The following PTPRD variants were observed in gnomAD, a reference collection of about 807,000 sequenced individuals.
The protein encoded by PTPRD is protein tyrosine phosphatase receptor type D.
Under a neutral mutation model 214.5 loss-of-function variants are expected in PTPRD, and 34 were observed. The observed-to-expected ratio is 0.16, with a 90% confidence interval of 0.12 to 0.21. PTPRD has a LOEUF of 0.21. Ranked by LOEUF, PTPRD falls within the 10% of genes least tolerant of loss-of-function variation. The probability of loss-of-function intolerance (pLI) is 1.00; values close to 1 mark genes in which losing one functional copy is unlikely to be tolerated. For synonymous variants in PTPRD, 1,128 were observed against 845.7 expected, an observed-to-expected ratio of 1.33 and a Z score of -5.79; for missense variants, 2,545 against 2,398.7, an observed-to-expected ratio of 1.06 and a Z score of -1.27.
intron 3 of PTPRD, among the ~76,000 whole-genome samples, chr9:10,231,295 T>C (rs189271024): frequency 1.3e-5 from 2 of 150,008 alleles, no homozygotes; most frequent in Admixed American, 1.3e-4. Flanking sequence ...GCACATGGAA[T>C]AGAGAGAGGC....
rs575626490 is a variant in PTPRD at position 9,881,401 on chromosome 9, C to T, written c.-368+57106G>A. ...TAATTCCTACTTCCCCAGTTCTCTG[C>T]TCTTGTAACAAGATCAAGAGCTTCG... On this transcript the variant is annotated intron_variant, in intron 5 of 45. Transcript: ENST00000381196. 5.9e-5 allele frequency among the ~76,000 whole-genome samples: 9 copies of T among 152,258 alleles called. No homozygotes were observed. The South Asian group carries it at 1.9e-3, about 32-fold the overall frequency.
chr9:10,324,919 A>C (rs1264795637), intron 3 of PTPRD, among the ~76,000 whole-genome samples: 1 of 152,056 alleles, frequency 6.6e-6, no homozygotes, highest in Non-Finnish European at 1.5e-5. Context: ...AAATTTTACC[A>C]ACACACATAC....
intron 7 of PTPRD, among the ~76,000 whole-genome samples, chr9:9,597,491 G>C (rs1470608600): frequency 6.6e-6 from 1 of 151,980 alleles, no homozygotes; most frequent in Admixed American, 6.6e-5. Context: ...AATATCCCTT[G>C]AAAACTGATT....
intron 11 of PTPRD, among the ~76,000 whole-genome samples, chr9:8,742,299 T>C (rs1192363722): frequency 1.3e-5 from 2 of 152,158 alleles, no homozygotes; most frequent in Admixed American, 6.5e-5. Context: ...ATAGTATACA[T>C]TGAGGAATGA....
chr9:9,650,466 C>G (rs1330264528), intron 7 of PTPRD, among the ~76,000 whole-genome samples: 1 of 152,028 alleles, frequency 6.6e-6, no homozygotes, highest in Non-Finnish European at 1.5e-5. Flanking sequence ...TTTGCTGATA[C>G]TTTGTAGAGG....
At chr9:8,739,409 G>T (rs747589682) in intron 11 of PTPRD, among the ~76,000 whole-genome samples, 1 of 152,170 alleles carries the variant, frequency 6.6e-6, no homozygotes, top group South Asian at 2.1e-4. Context: ...TATCTGCATT[G>T]ACTAATAATT....
At chr9:9,089,597 A>G (rs1043944779) in intron 10 of PTPRD, among the ~76,000 whole-genome samples, 3 of 152,186 alleles carry the variant, frequency 2.0e-5, no homozygotes, top group African/African-American at 7.2e-5. Context: ...TCACTATTCT[A>G]TTAAGGTTCC....
chr9:9,223,916 G>T (rs1408203022), intron 9 of PTPRD, among the ~76,000 whole-genome samples: 1 of 151,908 alleles, frequency 6.6e-6, no homozygotes, highest in Non-Finnish European at 1.5e-5. Flanking sequence ...ATGCTTGCAT[G>T]GCTGAAATGA....
chr9:9,363,276 A>T (rs769093296), intron 9 of PTPRD, among the ~76,000 whole-genome samples: 30 of 151,232 alleles, frequency 2.0e-4, no homozygotes, highest in Non-Finnish European at 3.7e-4. Context: ...TGCCTCTCAG[A>T]ATCATAACAA....
intron 2 of PTPRD, among the ~76,000 whole-genome samples, chr9:10,512,669 G>C (rs754104209): frequency 6.6e-6 from 1 of 152,230 alleles, no homozygotes; most frequent in Non-Finnish European, 1.5e-5. Flanking sequence ...GAGAGGGAAG[G>C]AGGAAATGGA....
intron 30 of PTPRD, among the ~76,000 whole-genome samples, chr9:8,476,737 C>T (rs375080549): frequency 2.1e-4 from 32 of 152,084 alleles, no homozygotes; most frequent in African/African-American, 7.7e-4. Flanking sequence ...CTTAACTTTG[C>T]TATTTTATCA....
intron 9 of PTPRD, among the ~76,000 whole-genome samples, chr9:9,242,816 A>T: frequency 6.6e-6 from 1 of 152,174 alleles, no homozygotes; most frequent in South Asian, 2.1e-4. Flanking sequence ...AATTTTGATC[A>T]TCTGCAGCCT....
intron 21 of PTPRD, 102 bp from the exon 22 acceptor site, chr9:8,507,536 A>C: frequency 1.4e-6 from 2 of 1,403,676 alleles, no homozygotes; most frequent in Non-Finnish European, 2.0e-6. Context: ...ATCTGTACAC[A>C]TGTACCAGCT....
In PTPRD at chr9:10,180,616, A is replaced by C. The variant is rs181753988; in HGVS notation, c.-544-146826T>G. 7.3e-4 allele frequency among the ~76,000 whole-genome samples: 111 copies of C among 151,454 alleles called. 2 individuals carry two copies. The East Asian group carries it at 0.021, about 28-fold the overall frequency. On this transcript the variant is annotated intron_variant, in intron 3 of 45. Coordinates refer to ENST00000381196, the MANE Select transcript of PTPRD (RefSeq NM_002839.4). ...ACCAGATAAAGTACAAAAAAAAAAA[A>C]AAAAAACTCATGGGCTAATTTACTT...
At chr9:10,356,156 T>G (rs996493782) in intron 2 of PTPRD, among the ~76,000 whole-genome samples, 2 of 151,794 alleles carry the variant, frequency 1.3e-5, no homozygotes, top group Non-Finnish European at 2.9e-5. Context: ...TCAACCAAGC[T>G]CTGAACTGCC....
At chr9:9,404,347 T>A (rs1003626318) in intron 8 of PTPRD, among the ~76,000 whole-genome samples, 36 of 152,080 alleles carry the variant, frequency 2.4e-4, no homozygotes, top group African/African-American at 8.2e-4. Flanking sequence ...CTGGTAGTGG[T>A]TTATACTAAA....
At chr9:9,594,370 T>C (rs1021158812) in intron 7 of PTPRD, among the ~76,000 whole-genome samples, 1 of 152,076 alleles carries the variant, frequency 6.6e-6, no homozygotes, top group Non-Finnish European at 1.5e-5. Context: ...AGAAGGGTTT[T>C]TCCAATGTTA....
chr9:9,365,963 G>A (rs1032643903), intron 9 of PTPRD, among the ~76,000 whole-genome samples: 2 of 151,430 alleles, frequency 1.3e-5, no homozygotes, highest in African/African-American at 4.8e-5. Flanking sequence ...ATATAGCATG[G>A]ATCTTTGCAG....
At chr9:9,619,019 C>T (rs760030707) in intron 7 of PTPRD, among the ~76,000 whole-genome samples, 2 of 152,004 alleles carry the variant, frequency 1.3e-5, no homozygotes, top group African/African-American at 2.4e-5. Context: ...CGAGATGCCA[C>T]AGAGAAAACA....
Sources: gnomAD v4.1 joint callset for allele counts (sites outside exome capture counted in the v4.1 genomes callset) on GRCh38, gnomAD v4.1.1 for gene constraint, MANE v1.5 for transcripts, NCBI Gene and HGNC (gene_info 2026-07-23, HGNC 2026-07-21) for gene names.